DCBLD2: variants seen among roughly 807,000 people sequenced by gnomAD.
The protein encoded by DCBLD2 is discoidin, CUB and LCCL domain-containing protein 2.
In DCBLD2, 54 loss-of-function variants were observed where a neutral mutation model predicts 86.8. The ratio of observed to expected loss-of-function variants is 0.62; its 90% confidence interval spans 0.50 to 0.78. The LOEUF (loss-of-function observed/expected upper bound fraction) is 0.78. Ranked by LOEUF, DCBLD2 falls within the 30% of genes least tolerant of loss-of-function variation. The pLI, the probability that DCBLD2 is intolerant of heterozygous loss-of-function variation, is 0.00. For synonymous variants in DCBLD2, 354 were observed against 341.3 expected (o/e 1.04, Z -0.41); for missense variants, 908 against 954.2 (o/e 0.95, Z 0.64).
intron 2 of DCBLD2, among the ~76,000 whole-genome samples, chr3:98,855,799 C>T (rs1053803927): frequency 6.6e-6 from 1 of 152,152 alleles, no homozygotes; most frequent in Admixed American, 6.5e-5. Flanking sequence ...AGTGGGCTTT[C>T]CTTCTCTCTT....
rs187378261 is a variant in DCBLD2 at position 98,884,403 on chromosome 3, A to C, written c.206-2636T>G. Among the ~76,000 whole-genome samples the C allele has an allele frequency of 5.3e-3, 801 of 151,594 alleles. 6 individuals carry two copies. The highest frequency in any genetic ancestry group is 0.018 in the African/African-American group (760 of 41,290). On this transcript the variant is annotated intron_variant, in intron 1 of 15. Coordinates refer to ENST00000326840, the MANE Select transcript of DCBLD2 (RefSeq NM_080927.4). ...TAAAATGTAGGATGTTACACAGTCC[A>C]TAAAAAAAAAAAACCACAAATTTCC...
chr3:98,867,835 C>T (rs1337937622), intron 2 of DCBLD2, among the ~76,000 whole-genome samples: 2 of 151,140 alleles, frequency 1.3e-5, no homozygotes, highest in African/African-American at 4.9e-5. Flanking sequence ...CGGAGTCTCG[C>T]TCTGTCACCC....
chr3:98,837,240 A>G (rs77697140), intron 3 of DCBLD2, among the ~76,000 whole-genome samples: 2 of 1,522 alleles, frequency 1.3e-3, no homozygotes, highest in African/African-American at 1.9e-3. Flanking sequence ...CTGGCCGGGC[A>G]GGGGGCCGAC....
rs973289644 is a variant in DCBLD2, at chr3:98,874,916, C to T, written c.433+6624G>A. On this transcript the variant is annotated intron_variant, in intron 2 of 15. Coordinates refer to ENST00000326840, the MANE Select transcript of DCBLD2 (RefSeq NM_080927.4). ...GCCTCCAAAACTCTGAGAAAGTAAA[C>T]TGCTGTTTTTTTAAGCCACTCGGTC... 2.0e-5 allele frequency among the ~76,000 whole-genome samples: 3 copies of T among 152,126 alleles called. No homozygotes were observed. The East Asian group carries it at 5.8e-4, about 29-fold the overall frequency.
intron 13 of DCBLD2, among the ~76,000 whole-genome samples, chr3:98,806,795 G>A (rs1363206933): frequency 6.6e-6 from 1 of 152,096 alleles, no homozygotes. Flanking sequence ...TGGTCTAACT[G>A]CACAAGCCAG....
chr3:98,813,747 G>A (rs1045811751), intron 9 of DCBLD2: 2 of 152,170 alleles, frequency 1.3e-5, no homozygotes, highest in Admixed American at 1.3e-4. Flanking sequence ...GAGTTTAGGT[G>A]AGTCTCATTC....
At chr3:98,838,153 C>CT (rs1173885959) in intron 3 of DCBLD2, among the ~76,000 whole-genome samples, 1 of 102,498 alleles carries the variant, frequency 9.8e-6, no homozygotes, top group Non-Finnish European at 2.2e-5. Flanking sequence ...GCTGACCCCC[C>CT]CCACCTCCCT....
chr3:98,811,577 T>G, intron 10 of DCBLD2, 23 bp from the exon 11 acceptor site: 2 of 1,548,512 alleles, frequency 1.3e-6, no homozygotes, highest in Non-Finnish European at 8.7e-7. Context: ...TTTAGAAAAA[T>G]TTAAACATTT....
At position 98,796,276 on chromosome 3, in the gene DCBLD2, A is replaced by C. The variant is rs374594340; in HGVS notation, c.*3096T>G. The C allele has an allele frequency of 1.3e-5, 2 of 152,572 alleles. No homozygotes were observed. Among genetic ancestry groups the C allele is most frequent in the African/African-American group, 2.4e-5 (1 of 41,440 alleles). The allele number at this position is 152,572 out of a possible 1,614,324, so 9.5% of individuals were successfully genotyped here. A position where few individuals can be genotyped will look rare whatever the true frequency, so the allele number is the denominator to read the frequency against. On this transcript the variant is annotated 3_prime_UTR_variant, in exon 16 of 16. Coordinates refer to ENST00000326840, the MANE Select transcript of DCBLD2 (RefSeq NM_080927.4). The stretch of plus-strand genomic sequence containing the variant: ...CAAAAACAAAACAAAACAAAAAAAA[A>C]CAGTCACAAGTTGGATTACATTAGA...
At chr3:98,805,055 T>C (rs1390304166) in intron 13 of DCBLD2, 2 of 152,392 alleles carry the variant, frequency 1.3e-5, no homozygotes, top group African/African-American at 2.4e-5. Context: ...GTCGTTCCAA[T>C]GTTAGTATAT....
intron 2 of DCBLD2, among the ~76,000 whole-genome samples, chr3:98,872,570 A>G (rs1054962603): frequency 4.6e-5 from 7 of 152,246 alleles, no homozygotes; most frequent in African/African-American, 1.7e-4. Context: ...AACTGAGGAA[A>G]CTGGGTACAG....
At chr3:98,802,994 C>T (rs973849531) in intron 13 of DCBLD2, among the ~76,000 whole-genome samples, 16 of 152,142 alleles carry the variant, frequency 1.1e-4, no homozygotes, top group African/African-American at 3.9e-4. Context: ...ATGCCTCCAG[C>T]TTTGTTCTTT....
intron 3 of DCBLD2, among the ~76,000 whole-genome samples, chr3:98,842,976 A>G (rs977202886): frequency 3.3e-5 from 5 of 152,090 alleles, no homozygotes; most frequent in African/African-American, 1.2e-4. Context: ...AAAATTAAAA[A>G]CATAGAAAAC....
At chr3:98,863,183 C>T (rs2107501174) in intron 2 of DCBLD2, among the ~76,000 whole-genome samples, 1 of 152,246 alleles carries the variant, frequency 6.6e-6, no homozygotes, top group Admixed American at 6.5e-5. Flanking sequence ...AGGACCTCTT[C>T]AAAGAGAACT....
At chr3:98,878,845 TTTA>T (rs1246518603) in intron 2 of DCBLD2, among the ~76,000 whole-genome samples, 1 of 152,178 alleles carries the variant, frequency 6.6e-6, no homozygotes, top group Non-Finnish European at 1.5e-5. Flanking sequence ...AAAGCTGAGA[TTTA>T]TTAAATACCT....
intron 2 of DCBLD2, among the ~76,000 whole-genome samples, chr3:98,869,224 T>A (rs1339423822): frequency 2.0e-5 from 3 of 152,240 alleles, no homozygotes; most frequent in Admixed American, 1.3e-4. Context: ...GCATTTTTCA[T>A]ATGTTTGTTA....
intron 3 of DCBLD2, among the ~76,000 whole-genome samples, chr3:98,844,451 G>T (rs889196825): frequency 3.3e-5 from 5 of 151,432 alleles, no homozygotes; most frequent in African/African-American, 1.2e-4. Context: ...TTCGCCTCCC[G>T]GGTACAAACA....
intron 2 of DCBLD2, among the ~76,000 whole-genome samples, chr3:98,858,263 C>T (rs1942974091): frequency 6.6e-6 from 1 of 152,242 alleles, no homozygotes; most frequent in African/African-American, 2.4e-5. Flanking sequence ...TCGCACTGGC[C>T]CGCAAGCGCC....
intron 12 of DCBLD2, 45 bp downstream of exon 12, chr3:98,811,149 C>A: frequency 2.0e-6 from 3 of 1,491,970 alleles, no homozygotes; most frequent in Non-Finnish European, 2.7e-6. Flanking sequence ...CAGTTAAGAA[C>A]AAAACAATAC....
Sources: gnomAD v4.1 joint callset for allele counts (sites outside exome capture counted in the v4.1 genomes callset) on GRCh38, gnomAD v4.1.1 for gene constraint, MANE v1.5 for transcripts, NCBI Gene and HGNC (gene_info 2026-07-23, HGNC 2026-07-21) for gene names.